Variants in ANKRD44 observed in about 807,000 individuals in gnomAD.
ANKRD44 encodes serine/threonine-protein phosphatase 6 regulatory ankyrin repeat subunit B.
Under a neutral mutation model 116.0 loss-of-function variants are expected in ANKRD44, and 35 were observed. The ratio of observed to expected loss-of-function variants is 0.30; its 90% CI spans 0.23 to 0.40. The LOEUF (loss-of-function observed/expected upper bound fraction) is 0.40. Among genes scored for constraint, ANKRD44 ranks in the 10% least tolerant of loss-of-function variants. The probability of loss-of-function intolerance (pLI) is 1.00; values close to 1 mark genes in which losing one functional copy is unlikely to be tolerated. For synonymous variants in ANKRD44, 435 were observed against 461.8 expected (o/e 0.94, Z 0.74); for missense variants, 1,014 against 1,242.6 (o/e 0.82, Z 2.77).
chr2:197,008,830 A>C (rs2076245280), intron 19 of ANKRD44, 114 bp downstream of exon 19: 1 of 910,098 alleles, frequency 1.1e-6, no homozygotes, highest in African/African-American at 1.6e-5. Flanking sequence ...CCTGGTCCAA[A>C]TATATTCCTC....
At position 197,038,250 on chromosome 2, in the gene ANKRD44, G is replaced by A. The variant is rs181615872; in HGVS notation, c.1651-12983C>T. ...TAATGGAGGAGGCTGTGCATGGGGC[G>A]GGAGGGGAGCAAGGAGTATATGGGA... On this transcript the variant is annotated intron_variant, in intron 16 of 27. Transcript: ENST00000282272. Among the ~76,000 whole-genome samples, 8 of 152,126 alleles carry A rather than the reference G, an allele frequency of 5.3e-5. No homozygotes were observed. The East Asian group carries it at 5.8e-4, about 11-fold the overall frequency.
At chr2:197,004,987 A>G (rs1237413898) in intron 21 of ANKRD44, among the ~76,000 whole-genome samples, 1 of 152,128 alleles carries the variant, frequency 6.6e-6, no homozygotes, top group African/African-American at 2.4e-5. Context: ...CAATTTAAAC[A>G]CCAACAAAAA....
intron 4 of ANKRD44, among the ~76,000 whole-genome samples, chr2:197,128,329 C>T (rs972469547): frequency 6.6e-6 from 1 of 152,150 alleles, no homozygotes; most frequent in Non-Finnish European, 1.5e-5. Context: ...CTAATAACTG[C>T]CATTCTGACT....
chr2:196,986,213 T>C (rs1654747522), downstream of ANKRD44, among the ~76,000 whole-genome samples: 2 of 152,158 alleles, frequency 1.3e-5, no homozygotes, highest in South Asian at 2.1e-4. Flanking sequence ...TCAAATCCTT[T>C]ATGGGCCAGC....
chr2:197,225,241 C>T (rs1284229257), intron 1 of ANKRD44, among the ~76,000 whole-genome samples: 1 of 151,984 alleles, frequency 6.6e-6, no homozygotes, highest in East Asian at 1.9e-4. Flanking sequence ...GAGCGTAAAC[C>T]AAAAAATAAT....
chr2:196,999,137 T>A (rs2076068263), intron 23 of ANKRD44, 85 bp from the exon 24 acceptor site: 1 of 1,495,732 alleles, frequency 6.7e-7, no homozygotes, highest in African/African-American at 1.4e-5. Flanking sequence ...CACAAGGTGT[T>A]GTCTTAAGGA....
At chr2:197,232,781 A>T (rs914344872) in intron 1 of ANKRD44, among the ~76,000 whole-genome samples, 4 of 152,128 alleles carry the variant, frequency 2.6e-5, no homozygotes, top group African/African-American at 9.7e-5. Flanking sequence ...TTCTCGCCTC[A>T]TTTATTCCAC....
intron 1 of ANKRD44, among the ~76,000 whole-genome samples, chr2:197,305,967 T>TTATATATATA (rs374313668): frequency 0.021 from 2,638 of 124,574 alleles, 110 homozygotes; most frequent in East Asian, 0.12. Context: ...GCAGTTCGTT[T>TTATATATATA]TATATATATA....
chr2:197,017,861 T>C (rs1392744305), intron 17 of ANKRD44, among the ~76,000 whole-genome samples: 2 of 152,220 alleles, frequency 1.3e-5, no homozygotes, highest in East Asian at 1.9e-4. Flanking sequence ...CTCTGGATAA[T>C]AGAGCCAGTG....
intron 16 of ANKRD44, among the ~76,000 whole-genome samples, chr2:197,065,797 A>T (rs112050861): frequency 0.04 from 6,031 of 152,300 alleles, 154 homozygotes; most frequent in Middle Eastern, 0.078. Flanking sequence ...GCAACAATTA[A>T]TAGCCTACCA....
intron 16 of ANKRD44, among the ~76,000 whole-genome samples, chr2:197,032,087 CA>C (rs892640223): frequency 3.9e-5 from 6 of 152,134 alleles, no homozygotes; most frequent in Non-Finnish European, 8.8e-5. Flanking sequence ...ACAGATATGA[CA>C]AACAGGGACT....
chr2:196,971,319 C>T (rs2075714385), intron 21 of ANKRD44, among the ~76,000 whole-genome samples: 1 of 152,116 alleles, frequency 6.6e-6, no homozygotes, highest in African/African-American at 2.4e-5. Flanking sequence ...CTTTTTCAAA[C>T]CATACTTGAT....
At chr2:197,300,491 C>T (rs182531112) in intron 1 of ANKRD44, among the ~76,000 whole-genome samples, 32 of 152,306 alleles carry the variant, frequency 2.1e-4, no homozygotes, top group African/African-American at 7.2e-4. Context: ...TCTAAACCTG[C>T]ACTATATGTG....
At chr2:197,262,711 C>T (rs1350663952) in intron 1 of ANKRD44, among the ~76,000 whole-genome samples, 1 of 152,086 alleles carries the variant, frequency 6.6e-6, no homozygotes, top group Non-Finnish European at 1.5e-5. Context: ...CAAGACTAAT[C>T]TGCCCAATAT....
At chr2:197,125,592 T>C (rs1174429604) in intron 5 of ANKRD44, 124 bp from the exon 6 acceptor site, 8 of 998,498 alleles carry the variant, frequency 8.0e-6, no homozygotes, top group East Asian at 2.4e-5. Context: ...TCTGGAGTTC[T>C]GACAAAGTAG....
At chr2:197,168,471 GATTT>G (rs1236738145) in intron 2 of ANKRD44, among the ~76,000 whole-genome samples, 1 of 152,142 alleles carries the variant, frequency 6.6e-6, no homozygotes, top group East Asian at 1.9e-4. Flanking sequence ...CTAACAACAA[GATTT>G]ATTAAACCCC....
chr2:197,125,784 T>C, intron 5 of ANKRD44, 53 bp downstream of exon 5: 8 of 1,559,056 alleles, frequency 5.1e-6, no homozygotes, highest in South Asian at 1.1e-5. Flanking sequence ...TTTCCACTTG[T>C]GGCTGAAAGT....
At chr2:197,070,260 A>G (rs906255298) in intron 16 of ANKRD44, among the ~76,000 whole-genome samples, 28 of 152,164 alleles carry the variant, frequency 1.8e-4, no homozygotes, top group Non-Finnish European at 1.9e-4. Context: ...TGTTCTGGCT[A>G]GAACTTTCAG....
intron 1 of ANKRD44, among the ~76,000 whole-genome samples, chr2:197,262,390 G>A (rs1158055377): frequency 6.6e-6 from 1 of 152,156 alleles, no homozygotes; most frequent in Non-Finnish European, 1.5e-5. Flanking sequence ...ATCATGAAGT[G>A]AACTCTATTT....
Sources: gnomAD v4.1 joint callset for allele counts (sites outside exome capture counted in the v4.1 genomes callset) on GRCh38, gnomAD v4.1.1 for gene constraint, MANE v1.5 for transcripts, NCBI Gene and HGNC (gene_info 2026-07-23, HGNC 2026-07-21) for gene names.